The following DIPK1A variants were observed in gnomAD, a reference collection of about 807,000 sequenced individuals.
DIPK1A encodes the protein family with sequence similarity 69 member A.
A neutral mutation model predicts 40.8 loss-of-function variants in DIPK1A; 27 were observed. The observed-to-expected ratio is 0.66, with a 90% CI of 0.49 to 0.91. The LOEUF (loss-of-function observed/expected upper bound fraction) is 0.91, where lower values mean the gene tolerates loss of function less well. DIPK1A is among the 40% of genes least tolerant of loss of function. DIPK1A has a pLI of 0.00. For missense variants in DIPK1A, 412 were observed against 505.7 expected, an observed-to-expected ratio of 0.81 and a Z score of 1.78; for synonymous variants, 166 against 171.3, an observed-to-expected ratio of 0.97 and a Z score of 0.24.
intron 2 of DIPK1A, among the ~76,000 whole-genome samples, chr1:92,864,779 C>T (rs762854848): frequency 6.6e-6 from 1 of 151,888 alleles, no homozygotes; most frequent in African/African-American, 2.4e-5. Flanking sequence ...GTGGCACACA[C>T]CTATAATCCT....
Position 92,869,455 on chromosome 1 carries a change from G to A in DIPK1A, c.189+6841C>T, listed in dbSNP as rs186645495. Among the ~76,000 whole-genome samples, 4 of 152,172 alleles carry A rather than the reference G, an allele frequency of 2.6e-5. No homozygotes were observed. In the East Asian group the frequency reaches 7.7e-4, roughly 29 times the overall value. ...ATTACAGATGTGAGCCACCATGCCT[G>A]GTGCTGACTAAATTATTAAGAATAG... On this transcript the variant is annotated intron_variant, in intron 2 of 4. Transcript: ENST00000370310.
intron 1 of DIPK1A, chr1:92,934,055 AT>A (rs1650858787): frequency 6.6e-6 from 1 of 152,188 alleles, no homozygotes; most frequent in East Asian, 1.9e-4. Flanking sequence ...ACTTCTTAGG[AT>A]TTGTCAACAA....
chr1:92,832,808 T>TG lies in DIPK1A; in HGVS notation c.*211dup, dbSNP rs1686961886. 9 of 575,342 alleles carry TG rather than the reference T, an allele frequency of 1.6e-5. No individual in the cohort carries two copies. The East Asian group carries it at 2.6e-4, about 17-fold the overall frequency. The allele number at this position is 575,342 out of a possible 1,614,324, so 35.6% of individuals were successfully genotyped here. On this transcript the variant is annotated 3_prime_UTR_variant, in exon 5 of 5. Coordinates refer to the DIPK1A transcript ENST00000615519. ...CTGATGGGGAACAGTGCTGTTTTAG[T>TG]GGGGGAATTACTGCTGAATGTGCTC...
intron 1 of DIPK1A, among the ~76,000 whole-genome samples, chr1:92,956,821 C>A (rs1651873533): frequency 6.6e-6 from 1 of 152,204 alleles, no homozygotes; most frequent in Non-Finnish European, 1.5e-5. Context: ...TCACTCATAA[C>A]AACCCTACTG....
At chr1:92,882,916 T>C (rs762853279) in intron 1 of DIPK1A, among the ~76,000 whole-genome samples, 2 of 152,200 alleles carry the variant, frequency 1.3e-5, no homozygotes, top group Non-Finnish European at 2.9e-5. Flanking sequence ...TTCAACCACA[T>C]GCTGATGTGA....
intron 1 of DIPK1A, among the ~76,000 whole-genome samples, chr1:92,956,978 T>A (rs889745312): frequency 6.6e-6 from 1 of 152,214 alleles, no homozygotes; most frequent in Non-Finnish European, 1.5e-5. Context: ...CAACTTTTCA[T>A]ATGCAACAGA....
At chr1:92,841,882 T>C, downstream of DIPK1A, 5 of 1,590,570 alleles carry the variant, frequency 3.1e-6, no homozygotes, top group South Asian at 1.1e-5. Context: ...CAATTTTCTA[T>C]GATTTTTTCA....
Position 92,949,822 on chromosome 1 carries a change from A to G in DIPK1A, c.54+11554T>C, listed in dbSNP as rs1207412398. ...TTGCTGTGTACACATTCTTTCAGAT[A>G]AGGAATTAGTTTATCTAATCAGTTC... On this transcript the variant is annotated intron_variant, in intron 1 of 4. Coordinates refer to ENST00000370310, the MANE Select transcript of DIPK1A (RefSeq NM_001006605.5). 3.3e-5 allele frequency among the ~76,000 whole-genome samples: 5 copies of G among 152,224 alleles called. No individual in the cohort carries two copies. The East Asian group carries it at 9.6e-4, about 29-fold the overall frequency.
intron 4 of DIPK1A, among the ~76,000 whole-genome samples, chr1:92,844,805 A>G (rs912030813): frequency 3.9e-5 from 6 of 152,232 alleles, no homozygotes; most frequent in Non-Finnish European, 7.3e-5. Context: ...ATGAAGATTA[A>G]AAAGTATTTC....
rs1687442259 is a variant in DIPK1A, at chr1:92,843,168, G to A, written c.*215C>T. The A allele has an allele frequency of 2.3e-6, 3 of 1,306,100 alleles. No homozygotes were observed. The highest frequency in any genetic ancestry group is 2.9e-6 in the Non-Finnish European group (3 of 1,023,912). The allele number at this position is 1,306,100 out of a possible 1,614,324, so 80.9% of individuals were successfully genotyped here. Reference sequence around the variant, plus strand: ...TACACAATGAATGTACTTCGGAGATGTAACAGGGCTTCTAAAAGGGCAGGA... The same window carrying A: ...TACACAATGAATGTACTTCGGAGATATAACAGGGCTTCTAAAAGGGCAGGA... On this transcript the variant is annotated 3_prime_UTR_variant, in exon 5 of 5. Coordinates refer to ENST00000370310, the MANE Select transcript of DIPK1A (RefSeq NM_001006605.5).
chr1:92,951,882 A>G (rs1486370309), intron 1 of DIPK1A, among the ~76,000 whole-genome samples: 4 of 151,598 alleles, frequency 2.6e-5, no homozygotes, highest in Non-Finnish European at 4.4e-5. Context: ...GTTCTAATTT[A>G]TTTGCCTTTT....
At chr1:92,940,402 A>T (rs941663111) in intron 1 of DIPK1A, among the ~76,000 whole-genome samples, 1 of 152,120 alleles carries the variant, frequency 6.6e-6, no homozygotes, top group African/African-American at 2.4e-5. Flanking sequence ...ATAGTACAAC[A>T]CTTCTTTTTC....
chr1:92,846,817 A>ATG (rs1452261772), intron 4 of DIPK1A, among the ~76,000 whole-genome samples: 82 of 5,712 alleles, frequency 0.014, 15 homozygotes, highest in East Asian at 0.047. Context: ...ATATATATAT[A>ATG]TATATATATA....
In DIPK1A at chr1:92,843,308, C is replaced by G. The variant is rs1243746911; in HGVS notation, c.*75G>C. ...TTGTGTAACTGGCCGGAATTTGAAG[C>G]CATTTTTTTTTAATGCTCAAAATTG... On this transcript the variant is annotated 3_prime_UTR_variant, in exon 5 of 5. Transcript: ENST00000370310. 6 of 1,454,118 alleles carry G rather than the reference C, an allele frequency of 4.1e-6. No individual in the cohort carries two copies. Among genetic ancestry groups the G allele is most frequent in the Non-Finnish European group, 5.4e-6 (6 of 1,104,974 alleles). 90.1% of individuals were successfully genotyped at this position (1,454,118 alleles called of 1,614,324 possible). A position where few individuals can be genotyped will look rare whatever the true frequency, so the allele number is the denominator to read the frequency against.
chr1:92,852,255 T>A (rs1421580996), intron 2 of DIPK1A, among the ~76,000 whole-genome samples: 1 of 152,174 alleles, frequency 6.6e-6, no homozygotes, highest in Non-Finnish European at 1.5e-5. Context: ...TCCCAGCACT[T>A]TGGGGGGCCG....
In DIPK1A at chr1:92,842,946, T is replaced by G. The variant is rs1398541071; in HGVS notation, c.*437A>C. 4.0e-6 allele frequency: 4 copies of G among 989,452 alleles called. No homozygotes were observed. The Admixed American group carries it at 1.8e-4, about 44-fold the overall frequency. The allele number at this position is 989,452 out of a possible 1,614,324, so 61.3% of individuals were successfully genotyped here. The stretch of plus-strand genomic sequence containing the variant: ...GTTTAACCTGCTTTGCAGTCTTAAT[T>G]TCTGTTAATGTGCAAACTTTACCAT... On this transcript the variant is annotated 3_prime_UTR_variant, in exon 5 of 5. Transcript: ENST00000370310.
chr1:92,834,789 C>T, intron 4 of DIPK1A: 1 of 1,613,112 alleles, frequency 6.2e-7, no homozygotes, highest in Non-Finnish European at 8.5e-7. Flanking sequence ...ATTGCTTATG[C>T]CCGTATAGAG....
chr1:92,939,374 T>G (rs1441344317), intron 1 of DIPK1A, among the ~76,000 whole-genome samples: 1 of 152,066 alleles, frequency 6.6e-6, no homozygotes, highest in African/African-American at 2.4e-5. Context: ...TAGGCCATTT[T>G]TGCATTAGTC....
intron 1 of DIPK1A, among the ~76,000 whole-genome samples, chr1:92,950,077 G>T (rs186687489): frequency 2.0e-5 from 3 of 152,258 alleles, no homozygotes; most frequent in Admixed American, 2.0e-4. Flanking sequence ...CGCAGTTTGG[G>T]TCACAGAAGA....
Sources: gnomAD v4.1 joint callset for allele counts (sites outside exome capture counted in the v4.1 genomes callset) on GRCh38, gnomAD v4.1.1 for gene constraint, MANE v1.5 for transcripts, NCBI Gene and HGNC (gene_info 2026-07-23, HGNC 2026-07-21) for gene names.